The following CDK14 variants were observed in gnomAD, a reference collection of about 807,000 sequenced individuals.
CDK14 encodes the protein cyclin-dependent kinase 14.
CDK14 carries 34 observed loss-of-function variants against 60.7 expected under a neutral mutation model. The observed-to-expected ratio is 0.56, with a 90% CI of 0.43 to 0.75. The LOEUF is 0.75. Ranked by LOEUF, CDK14 falls within the 30% of genes least tolerant of loss-of-function variation. The probability of loss-of-function intolerance (pLI) is 0.00; values close to 1 mark genes in which losing one functional copy is unlikely to be tolerated. For missense variants in CDK14, 482 were observed against 564.1 expected, an observed-to-expected ratio of 0.85 and a Z score of 1.47; for synonymous variants, 197 against 203.7, an observed-to-expected ratio of 0.97 and a Z score of 0.28.
chr7:90,937,567 T>C (rs1006389396), intron 8 of CDK14, among the ~76,000 whole-genome samples: 6 of 152,224 alleles, frequency 3.9e-5, no homozygotes, highest in South Asian at 2.1e-4. Flanking sequence ...TTTCAGATAA[T>C]AAAATGCTGC....
At chr7:90,967,589 A>G (rs1378198111) in intron 9 of CDK14, among the ~76,000 whole-genome samples, 1 of 152,202 alleles carries the variant, frequency 6.6e-6, no homozygotes, top group Non-Finnish European at 1.5e-5. Flanking sequence ...TAACAAATTT[A>G]TGAAAACCAA....
chr7:90,851,367 G>A (rs1241760510), intron 5 of CDK14, among the ~76,000 whole-genome samples: 2 of 152,174 alleles, frequency 1.3e-5, no homozygotes, highest in Non-Finnish European at 2.9e-5. Context: ...GAATGTGTGT[G>A]TGGGTAATGT....
intron 6 of CDK14, among the ~76,000 whole-genome samples, chr7:90,865,953 T>G (rs1286818840): frequency 6.6e-6 from 1 of 152,152 alleles, no homozygotes; most frequent in Non-Finnish European, 1.5e-5. Flanking sequence ...CAATTTTAGT[T>G]AGCCTAGGTC....
At chr7:90,931,923 A>G (rs1405507123) in intron 8 of CDK14, among the ~76,000 whole-genome samples, 5 of 152,152 alleles carry the variant, frequency 3.3e-5, no homozygotes, top group African/African-American at 1.2e-4. Context: ...ATTCAAACAC[A>G]TGAATACGTT....
At chr7:91,179,132 A>G (rs1429146739) in intron 14 of CDK14, among the ~76,000 whole-genome samples, 1 of 152,170 alleles carries the variant, frequency 6.6e-6, no homozygotes, top group Non-Finnish European at 1.5e-5. Flanking sequence ...AGACTGGATT[A>G]AGAAAATGTG....
At chr7:90,734,906 A>G (rs142119569) in intron 3 of CDK14, among the ~76,000 whole-genome samples, 1 of 151,772 alleles carries the variant, frequency 6.6e-6, no homozygotes, top group African/African-American at 2.4e-5. Context: ...GGTTTTTGTA[A>G]TTTTCAGCCT....
At chr7:91,187,781 G>A (rs1166158410) in intron 14 of CDK14, among the ~76,000 whole-genome samples, 1 of 152,220 alleles carries the variant, frequency 6.6e-6, no homozygotes, top group Non-Finnish European at 1.5e-5. Context: ...AGGGTCCACA[G>A]ATTGGTTCGA....
intron 3 of CDK14, among the ~76,000 whole-genome samples, chr7:90,729,225 A>G (rs1802756132): frequency 6.6e-6 from 1 of 150,980 alleles, no homozygotes; most frequent in Non-Finnish European, 1.5e-5. Flanking sequence ...CCAACTAATC[A>G]TATCATTTGT....
chr7:90,684,597 A>G (rs1199537430), intron 2 of CDK14, among the ~76,000 whole-genome samples: 1 of 152,208 alleles, frequency 6.6e-6, no homozygotes, highest in Non-Finnish European at 1.5e-5. Flanking sequence ...TGTCCTGTCC[A>G]GTCTGTTCTT....
At chr7:90,913,821 G>GATAA (rs1223417688) in intron 7 of CDK14, among the ~76,000 whole-genome samples, 1 of 152,152 alleles carries the variant, frequency 6.6e-6, no homozygotes, top group Non-Finnish European at 1.5e-5. Context: ...ATTTTAGGCA[G>GATAA]ATAAGGGGAC....
At chr7:90,957,965 C>T (rs1167073055) in intron 9 of CDK14, among the ~76,000 whole-genome samples, 2 of 152,050 alleles carry the variant, frequency 1.3e-5, no homozygotes, top group African/African-American at 4.8e-5. Context: ...AGTCATTTTC[C>T]CTGAATGATT....
chr7:90,878,072 C>CTG (rs142735469), intron 6 of CDK14, among the ~76,000 whole-genome samples: 14,398 of 147,696 alleles, frequency 0.097, 732 homozygotes, highest in Middle Eastern at 0.15. Context: ...CATTGTGTGG[C>CTG]TGTGTGTGTG....
In CDK14 at chr7:90,726,796, A is replaced by C. The variant is rs187133761; in HGVS notation, c.353A>C (p.His118Pro). 3 of 1,613,402 alleles carry C rather than the reference A, an allele frequency of 1.9e-6. No individual in the cohort carries two copies. Among genetic ancestry groups the C allele is most frequent in the Non-Finnish European group, 2.5e-6 (3 of 1,179,752 alleles). Reference sequence around the variant, plus strand: ...AAAGAGTCACCTAAAGTTAGGCGGCACTCCAGCCCCAGCTCGGTAAGTGCA... The same window carrying C: ...AAAGAGTCACCTAAAGTTAGGCGGCCCTCCAGCCCCAGCTCGGTAAGTGCA... ...TGKESPKVRRHSSPSSPTSPK... is the reference protein window; with the variant it reads ...TGKESPKVRRPSSPSSPTSPK... Residue 118 changes from histidine (H) to proline (P), a missense_variant, in exon 3 of 15, where the codon CAC becomes CCC. By Grantham distance (77) the His-to-Pro change is moderately conservative. Coordinates refer to ENST00000380050, the MANE Select transcript of CDK14 (RefSeq NM_001287135.2).
chr7:90,941,319 C>T (rs1275907301), intron 8 of CDK14, among the ~76,000 whole-genome samples: 1 of 152,116 alleles, frequency 6.6e-6, no homozygotes, highest in East Asian at 1.9e-4. Flanking sequence ...CATGCCAGGC[C>T]CACCCTGTCT....
chr7:90,996,947 T>C (rs182647887), intron 10 of CDK14, among the ~76,000 whole-genome samples: 2 of 152,338 alleles, frequency 1.3e-5, no homozygotes, highest in East Asian at 3.9e-4. Context: ...GATGCAAGAA[T>C]TGGTTTAGAG....
At chr7:90,853,472 A>G (rs1790715665) in intron 5 of CDK14, among the ~76,000 whole-genome samples, 1 of 152,048 alleles carries the variant, frequency 6.6e-6, no homozygotes, top group African/African-American at 2.4e-5. Flanking sequence ...TTCTGTTGAT[A>G]TGCTTGTAGA....
intron 4 of CDK14, among the ~76,000 whole-genome samples, chr7:90,786,412 T>TTGTGATTTTTG (rs1282813227): frequency 1.3e-5 from 2 of 152,340 alleles, no homozygotes; most frequent in African/African-American, 4.8e-5. Flanking sequence ...TTGATTCAAT[T>TTGTGATTTTTG]TGAATTTTGT....
chr7:90,930,480 A>G (rs1793556547), intron 8 of CDK14, among the ~76,000 whole-genome samples: 2 of 139,502 alleles, frequency 1.4e-5, no homozygotes, highest in South Asian at 4.9e-4. Flanking sequence ...TGCCTTGGAT[A>G]TGGGTGATAT....
rs1800398371 is a variant in CDK14, at chr7:90,643,719, T to G, written c.123+39470T>G. Among the ~76,000 whole-genome samples, 4 of 152,180 alleles carry G rather than the reference T, an allele frequency of 2.6e-5. No individual in the cohort carries two copies. The South Asian group carries it at 8.3e-4, about 32-fold the overall frequency. On this transcript the variant is annotated intron_variant, in intron 2 of 14. Coordinates refer to ENST00000380050, the MANE Select transcript of CDK14 (RefSeq NM_001287135.2). The stretch of plus-strand genomic sequence containing the variant: ...GACAGCTTCTCTTTATTTACTGTCT[T>G]CTCAGGGTAGAATGGCTTCATTCAC...
Sources: allele counts gnomAD v4.1 joint callset (sites outside exome capture counted in the v4.1 genomes callset), GRCh38; gene constraint gnomAD v4.1.1; transcripts MANE v1.5; gene names NCBI Gene and HGNC (gene_info 2026-07-23, HGNC 2026-07-21).